Variants in CEP128 observed in about 807,000 individuals in gnomAD.
The protein encoded by CEP128 is centrosomal protein 128kDa.
CEP128 carries 132 observed loss-of-function variants against 156.7 expected under a neutral mutation model. The observed-to-expected ratio is 0.84, with a 90% CI of 0.73 to 0.97. CEP128 has a LOEUF of 0.97. Ranked by LOEUF, CEP128 falls within the 50% of genes least tolerant of loss-of-function variation. The pLI, the probability that CEP128 is intolerant of heterozygous loss-of-function variation, is 0.00. For missense variants in CEP128, 1,252 were observed against 1,281.9 expected (o/e 0.98, Z 0.36); for synonymous variants, 469 against 448.9 (o/e 1.04, Z -0.57).
At chr14:80,532,311 A>G (rs1384742177) in intron 21 of CEP128, among the ~76,000 whole-genome samples, 1 of 152,104 alleles carries the variant, frequency 6.6e-6, no homozygotes, top group African/African-American at 2.4e-5. Context: ...CTCTGACCTC[A>G]GCCTCTGAGG....
chr14:80,582,061 G>C (rs1891614933), intron 19 of CEP128, among the ~76,000 whole-genome samples: 1 of 152,198 alleles, frequency 6.6e-6, no homozygotes, highest in Non-Finnish European at 1.5e-5. Context: ...AGGCCAACCT[G>C]CTAGATGACA....
At chr14:80,832,045 T>C (rs368483473) in intron 12 of CEP128, among the ~76,000 whole-genome samples, 4 of 152,182 alleles carry the variant, frequency 2.6e-5, no homozygotes, top group African/African-American at 7.2e-5. Context: ...GTTCTCATGA[T>C]AGTGAATAAG....
chr14:80,618,534 C>T (rs963282745), intron 19 of CEP128, among the ~76,000 whole-genome samples: 3 of 152,144 alleles, frequency 2.0e-5, no homozygotes, highest in African/African-American at 7.2e-5. Context: ...GATGCTCAAA[C>T]AGTCAAATGA....
At chr14:80,686,392 C>T (rs576277737) in intron 19 of CEP128, among the ~76,000 whole-genome samples, 28 of 152,162 alleles carry the variant, frequency 1.8e-4, no homozygotes, top group Non-Finnish European at 3.7e-4. Context: ...GAATTTGTCA[C>T]CACTGGCCTG....
intron 4 of CEP128, among the ~76,000 whole-genome samples, chr14:80,913,017 A>G (rs1566711855): frequency 6.6e-6 from 1 of 152,196 alleles, no homozygotes. Flanking sequence ...AAAGAAAAGT[A>G]GAAGATAGAA....
chr14:80,910,109 A>G (rs1430749718), intron 4 of CEP128, among the ~76,000 whole-genome samples: 1 of 152,204 alleles, frequency 6.6e-6, no homozygotes, highest in Admixed American at 6.5e-5. Context: ...ATATTGTAAA[A>G]TGGACATCAT....
rs554382140 is a variant in CEP128 at position 80,637,582 on chromosome 14, A to T, written c.2807-57159T>A. Among the ~76,000 whole-genome samples, 77 of 152,288 alleles carry T rather than the reference A, an allele frequency of 5.1e-4. No homozygotes were observed. The South Asian group carries it at 0.016, about 31-fold the overall frequency. On this transcript the variant is annotated intron_variant, in intron 19 of 24. Coordinates refer to ENST00000555265, the MANE Select transcript of CEP128 (RefSeq NM_152446.5). ...CATAAAGAAACTACTCCGGATAAGA[A>T]CTCTTACATTTTTATCAGATAAATC...
intron 8 of CEP128, among the ~76,000 whole-genome samples, chr14:80,865,181 A>G (rs1420708982): frequency 1.3e-5 from 2 of 152,120 alleles, no homozygotes; most frequent in Non-Finnish European, 1.5e-5. Flanking sequence ...TGCAGTATTT[A>G]TATTTTTGTA....
intron 2 of CEP128, chr14:80,955,845 G>C (rs1886642331): frequency 6.2e-7 from 1 of 1,614,204 alleles, no homozygotes. Flanking sequence ...CCAGTACGCA[G>C]ACTCTGTGAG....
At chr14:80,668,149 G>A (rs762958271) in intron 19 of CEP128, among the ~76,000 whole-genome samples, 1 of 152,130 alleles carries the variant, frequency 6.6e-6, no homozygotes, top group Non-Finnish European at 1.5e-5. Context: ...GTTTAAATGA[G>A]TCTGATTCTA....
chr14:80,507,405 T>G (rs1289343051), intron 23 of CEP128, among the ~76,000 whole-genome samples: 2 of 152,170 alleles, frequency 1.3e-5, no homozygotes, highest in Admixed American at 6.5e-5. Context: ...TACTTTAGAA[T>G]GAGCTGACAT....
At chr14:80,796,031 T>C (rs1321368788) in intron 13 of CEP128, among the ~76,000 whole-genome samples, 2 of 152,194 alleles carry the variant, frequency 1.3e-5, no homozygotes, top group African/African-American at 2.4e-5. Context: ...CCCAGTACCA[T>C]GTACTCATCT....
intron 4 of CEP128, among the ~76,000 whole-genome samples, chr14:80,911,039 A>G (rs1246718098): frequency 6.6e-6 from 1 of 152,194 alleles, no homozygotes; most frequent in Admixed American, 6.5e-5. Context: ...TGATATCTCT[A>G]TTTGGAAAAA....
intron 19 of CEP128, among the ~76,000 whole-genome samples, chr14:80,703,667 C>T (rs1383687120): frequency 6.6e-6 from 1 of 152,018 alleles, no homozygotes; most frequent in Non-Finnish European, 1.5e-5. Context: ...ATCTTTTGCT[C>T]ACTTTCTCCC....
intron 13 of CEP128, among the ~76,000 whole-genome samples, chr14:80,798,730 A>G (rs953144710): frequency 2.0e-5 from 3 of 152,198 alleles, no homozygotes; most frequent in Admixed American, 2.0e-4. Context: ...AACATTTTCC[A>G]TGAGGGTTTA....
At chr14:80,576,271 G>A (rs1030849625) in intron 20 of CEP128, among the ~76,000 whole-genome samples, 3 of 152,106 alleles carry the variant, frequency 2.0e-5, no homozygotes, top group East Asian at 1.9e-4. Flanking sequence ...CTGATCTTGA[G>A]AGGAATGAAA....
At chr14:80,809,693 A>C (rs1309578246) in intron 13 of CEP128, among the ~76,000 whole-genome samples, 1 of 152,166 alleles carries the variant, frequency 6.6e-6, no homozygotes, top group African/African-American at 2.4e-5. Context: ...TTATATACCA[A>C]GAGGGAATGG....
intron 19 of CEP128, among the ~76,000 whole-genome samples, chr14:80,646,350 C>CT (rs761293316): frequency 0.019 from 2,801 of 150,264 alleles, 36 homozygotes; most frequent in Non-Finnish European, 0.027. Context: ...AAAATGAAGT[C>CT]ATTTTTTTTT....
chr14:80,797,052 C>G (rs1430217725), intron 13 of CEP128, among the ~76,000 whole-genome samples: 1 of 152,122 alleles, frequency 6.6e-6, no homozygotes, highest in Admixed American at 6.5e-5. Context: ...AGATAACAAA[C>G]AGAAATAAGG....
Sources: allele counts gnomAD v4.1 joint callset (sites outside exome capture counted in the v4.1 genomes callset), GRCh38; gene constraint gnomAD v4.1.1; transcripts MANE v1.5; gene names NCBI Gene and HGNC (gene_info 2026-07-23, HGNC 2026-07-21).